Variants in TESK2 observed in about 807,000 individuals in gnomAD.
The protein encoded by TESK2 is dual specificity testis-specific protein kinase 2.
A neutral mutation model predicts 57.1 loss-of-function variants in TESK2; 39 were observed. The ratio of observed to expected loss-of-function variants is 0.68; its 90% CI spans 0.53 to 0.89. The LOEUF is 0.89. TESK2 is among the 40% of genes least tolerant of loss of function. The probability of loss-of-function intolerance (pLI) is 0.00; values close to 1 mark genes in which losing one functional copy is unlikely to be tolerated. For missense variants in TESK2, 646 were observed against 732.1 expected, an observed-to-expected ratio of 0.88 and a Z score of 1.36; for synonymous variants, 249 against 267.9, an observed-to-expected ratio of 0.93 and a Z score of 0.69.
In TESK2 at chr1:45,347,667, A is replaced by C. The variant is rs764721604; in HGVS notation, c.650T>G (p.Val217Gly). 1.2e-6 allele frequency: 2 copies of C among 1,614,180 alleles called. No individual in the cohort carries two copies. Among genetic ancestry groups the C allele is most frequent in the Non-Finnish European group, 1.7e-6 (2 of 1,180,022 alleles). ...AGGTGCCATCCAGAATGGGGAACCC[A>C]CCACGGCCAGCTTCTCACTCCCCAT... ...VSMGSEKLAV[V>G]GSPFWMAPEV... Residue 217 changes from valine (V) to glycine (G), a missense_variant, in exon 7 of 11, where the codon GTG (valine) becomes GGG (glycine). Physicochemically the swap from Val to Gly is moderately radical, Grantham distance 109. Transcript: ENST00000372086.
intron 2 of TESK2, among the ~76,000 whole-genome samples, chr1:45,429,582 G>A (rs565854905): frequency 1.3e-5 from 2 of 152,036 alleles, no homozygotes; most frequent in African/African-American, 4.8e-5. Flanking sequence ...AAAAATTACA[G>A]GAGGCATAAC....
chr1:45,455,086 T>C (rs1652020111), intron 2 of TESK2, among the ~76,000 whole-genome samples: 1 of 152,184 alleles, frequency 6.6e-6, no homozygotes, highest in Non-Finnish European at 1.5e-5. Context: ...TTGGCCCACT[T>C]CCTGGTTGCT....
chr1:45,464,394 A>G (rs1316880517), intron 1 of TESK2, among the ~76,000 whole-genome samples: 1 of 151,258 alleles, frequency 6.6e-6, no homozygotes, highest in Non-Finnish European at 1.5e-5. Context: ...ACTGCACTCC[A>G]GCCTTGGCGA....
At chr1:45,479,877 G>A (rs1198444490) in intron 1 of TESK2, among the ~76,000 whole-genome samples, 2 of 144,876 alleles carry the variant, frequency 1.4e-5, no homozygotes, top group African/African-American at 5.1e-5. Flanking sequence ...AGAGTGCAGT[G>A]GCAAGATAGA....
At chr1:45,490,494 A>C (rs942883569) in intron 1 of TESK2, among the ~76,000 whole-genome samples, 1 of 152,188 alleles carries the variant, frequency 6.6e-6, no homozygotes, top group African/African-American at 2.4e-5. Flanking sequence ...TCTCTGAGGC[A>C]GGAGCGGGTA....
intron 3 of TESK2, among the ~76,000 whole-genome samples, chr1:45,396,513 G>C (rs1041443818): frequency 6.6e-6 from 1 of 151,474 alleles, no homozygotes; most frequent in East Asian, 1.9e-4. Flanking sequence ...TTTTGAAACA[G>C]AGTCTCACTC....
chr1:45,348,004 G>A lies in TESK2; in HGVS notation c.541-4C>T. The A allele has an allele frequency of 6.2e-7, 1 of 1,603,288 alleles. No individual in the cohort carries two copies. Among genetic ancestry groups the A allele is most frequent in the Non-Finnish European group, 8.5e-7 (1 of 1,170,110 alleles). ...CATCCCTCTTTATCAGGCAGTTCTAGGGTTCCCAGGAAGGAAGAGAAAATA... is the reference window on the plus strand; with the variant it reads ...CATCCCTCTTTATCAGGCAGTTCTAAGGTTCCCAGGAAGGAAGAGAAAATA... On this transcript the variant is annotated splice_region_variant and splice_polypyrimidine_tract_variant and intron_variant, in intron 5 of 10. Coordinates refer to ENST00000372086, the MANE Select transcript of TESK2 (RefSeq NM_007170.3).
At chr1:45,420,273 T>C (rs1473849446) in intron 3 of TESK2, among the ~76,000 whole-genome samples, 2 of 152,182 alleles carry the variant, frequency 1.3e-5, no homozygotes, top group African/African-American at 4.8e-5. Context: ...AGGGTCTCAC[T>C]CTGTCACTCA....
At chr1:45,442,224 C>T (rs1651474014) in intron 2 of TESK2, among the ~76,000 whole-genome samples, 1 of 152,182 alleles carries the variant, frequency 6.6e-6, no homozygotes, top group Admixed American at 6.5e-5. Context: ...GCGTGAGCCA[C>T]CTCGCCTGGC....
At chr1:45,476,163 C>G (rs888197819) in intron 1 of TESK2, among the ~76,000 whole-genome samples, 2 of 152,078 alleles carry the variant, frequency 1.3e-5, no homozygotes, top group African/African-American at 4.8e-5. Context: ...AATACAGTAA[C>G]AGAAAAATGG....
chr1:45,445,148 C>A (rs148089435), intron 2 of TESK2, among the ~76,000 whole-genome samples: 1 of 152,212 alleles, frequency 6.6e-6, no homozygotes, highest in African/African-American at 2.4e-5. Flanking sequence ...CCCCAACCAC[C>A]ACCATCTAGT....
Position 45,346,740 on chromosome 1 carries a change from C to T in TESK2, c.832G>A (p.Gly278Arg), listed in dbSNP as rs1647149063. 1.2e-6 allele frequency: 2 copies of T among 1,614,030 alleles called. No individual in the cohort carries two copies. The highest frequency in any genetic ancestry group is 1.7e-6 in the Non-Finnish European group (2 of 1,180,006). ...TGCAGAAAATCTGGGGGACAGTCTCCCACCATGTGCTGGAAAGCATCATAG... is the reference window on the plus strand; with the variant it reads ...TGCAGAAAATCTGGGGGACAGTCTCTCACCATGTGCTGGAAAGCATCATAG... ...LDYDAFQHMVGDCPPDFLQLT... is the reference protein window; with the variant it reads ...LDYDAFQHMVRDCPPDFLQLT... Residue 278 changes from glycine to arginine, a missense_variant, in exon 9 of 11, where the codon GGA (glycine) becomes AGA (arginine). Gly to Arg is a moderately radical substitution (Grantham distance 125). Coordinates refer to ENST00000372086, the MANE Select transcript of TESK2 (RefSeq NM_007170.3).
chr1:45,359,482 C>A (rs141882733), intron 4 of TESK2, among the ~76,000 whole-genome samples: 4 of 151,820 alleles, frequency 2.6e-5, no homozygotes, highest in Admixed American at 6.6e-5. Context: ...ATCACTTGAA[C>A]CCGGGAGGCG....
At chr1:45,417,827 G>A (rs573181843) in intron 3 of TESK2, among the ~76,000 whole-genome samples, 6 of 152,186 alleles carry the variant, frequency 3.9e-5, no homozygotes, top group South Asian at 2.1e-4. Context: ...TCCTGACCTC[G>A]TGATCCGCCC....
intron 4 of TESK2, among the ~76,000 whole-genome samples, chr1:45,356,091 A>G (rs1203705269): frequency 6.6e-6 from 1 of 152,160 alleles, no homozygotes; most frequent in Non-Finnish European, 1.5e-5. Flanking sequence ...AAATACAGAG[A>G]AAGGGAAATA....
intron 1 of TESK2, among the ~76,000 whole-genome samples, chr1:45,480,383 A>G (rs573498606): frequency 5.4e-5 from 8 of 149,116 alleles, no homozygotes; most frequent in African/African-American, 2.0e-4. Context: ...GCTTGAACCT[A>G]GGAGGTGGAG....
At chr1:45,477,146 T>G (rs1020443398) in intron 1 of TESK2, among the ~76,000 whole-genome samples, 4 of 151,002 alleles carry the variant, frequency 2.6e-5, no homozygotes, top group African/African-American at 7.3e-5. Flanking sequence ...GGCAGGAGAA[T>G]TGCTTGAACC....
chr1:45,385,425 A>C, intron 4 of TESK2: 1 of 733,878 alleles, frequency 1.4e-6, no homozygotes, highest in Non-Finnish European at 1.7e-6. Flanking sequence ...AATAAGACCA[A>C]CCAGGAAACC....
chr1:45,409,951 G>C (rs1649977105), intron 3 of TESK2, among the ~76,000 whole-genome samples: 1 of 152,112 alleles, frequency 6.6e-6, no homozygotes, highest in African/African-American at 2.4e-5. Flanking sequence ...GATCACTTGA[G>C]GCCAGGAGTT....
Sources: gnomAD v4.1 joint callset for allele counts (sites outside exome capture counted in the v4.1 genomes callset) on GRCh38, gnomAD v4.1.1 for gene constraint, MANE v1.5 for transcripts, NCBI Gene and HGNC (gene_info 2026-07-23, HGNC 2026-07-21) for gene names.